NELL2: variants seen among roughly 807,000 people sequenced by gnomAD.
NELL2 encodes neural EGFL like 2.
In NELL2, 41 loss-of-function variants were observed where a neutral mutation model predicts 109.6. The observed-to-expected ratio is 0.37, with a 90% CI of 0.29 to 0.49. The LOEUF (loss-of-function observed/expected upper bound fraction) is 0.49. Among genes scored for constraint, NELL2 ranks in the 20% least tolerant of loss-of-function variants. NELL2 has a pLI of 0.98. For missense variants in NELL2, 900 were observed against 1,008.3 expected (o/e 0.89, Z 1.45); for synonymous variants, 355 against 344.7 (o/e 1.03, Z -0.33).
intron 9 of NELL2, among the ~76,000 whole-genome samples, chr12:44,772,010 T>C (rs1047779411): frequency 1.3e-5 from 2 of 152,226 alleles, no homozygotes; most frequent in Non-Finnish European, 2.9e-5. Context: ...AACAGTAAGC[T>C]ATTAATCTCT....
chr12:44,806,156 C>T (rs548113622), intron 3 of NELL2, among the ~76,000 whole-genome samples: 121 of 151,464 alleles, frequency 8.0e-4, no homozygotes, highest in Middle Eastern at 3.4e-3. Flanking sequence ...AAAATATAGA[C>T]GATAATGAAT....
intron 9 of NELL2, among the ~76,000 whole-genome samples, chr12:44,760,075 T>C (rs1941058122): frequency 6.6e-6 from 1 of 152,188 alleles, no homozygotes; most frequent in Non-Finnish European, 1.5e-5. Context: ...GTTCAGCACT[T>C]AGAATCTAAA....
In NELL2 at chr12:44,515,591, T is replaced by A. The variant is rs554282514; in HGVS notation, c.2400+4414A>T. On this transcript the variant is annotated intron_variant, in intron 19 of 19. Transcript: ENST00000429094. Reference sequence around the variant, plus strand: ...TTGATTTATCAAACTCATCAAACTATATACTTAACTGTGAATTTCACTATA... The same window carrying A: ...TTGATTTATCAAACTCATCAAACTAAATACTTAACTGTGAATTTCACTATA... 3.3e-5 allele frequency among the ~76,000 whole-genome samples: 5 copies of A among 152,050 alleles called. No individual in the cohort carries two copies. The East Asian group carries it at 9.6e-4, about 29-fold the overall frequency.
intron 2 of NELL2, among the ~76,000 whole-genome samples, chr12:44,861,931 C>G (rs1944854581): frequency 6.6e-6 from 1 of 152,220 alleles, no homozygotes; most frequent in Admixed American, 6.5e-5. Context: ...CCTTCAAATG[C>G]ACTGACTTCA....
chr12:44,905,974 A>G (rs1945715535), intron 1 of NELL2, among the ~76,000 whole-genome samples: 1 of 152,154 alleles, frequency 6.6e-6, no homozygotes, highest in African/African-American at 2.4e-5. Flanking sequence ...TTAATTAATT[A>G]CATAATATTC....
At position 44,532,593 on chromosome 12, in the gene NELL2, C is replaced by T; in HGVS notation, c.1792G>A (p.Glu598Lys). 1 of 1,613,428 alleles carries T rather than the reference C, an allele frequency of 6.2e-7. No individual in the cohort carries two copies. The change falls in exon 16 of 20, where the codon GAA (glutamate) becomes AAA (lysine). Residue 598 changes from glutamate (E) to lysine (K), a missense_variant. Transcript: ENST00000429094. ...TCCTTGTACTGACCTTCACACGATT[C>T]TCCACTTGGTGAAAACATCCCATTG... ...HDNGMFSPSG[E>K]SCEDIDECGT...
intron 13 of NELL2, among the ~76,000 whole-genome samples, chr12:44,640,434 T>C (rs535738113): frequency 2.0e-5 from 3 of 152,344 alleles, no homozygotes; most frequent in South Asian, 2.1e-4. Context: ...CTACAAATAA[T>C]TGTTTTGCCT....
intron 12 of NELL2, among the ~76,000 whole-genome samples, chr12:44,685,186 T>C (rs1464346681): frequency 1.3e-5 from 2 of 152,080 alleles, no homozygotes; most frequent in African/African-American, 2.4e-5. Context: ...CCTTGTCTCT[T>C]TTGATCTTTG....
chr12:44,558,418 C>T lies in NELL2; in HGVS notation c.1664-25697G>A, dbSNP rs531892597. ...GGTCTGCAGCTCTCAGAGAGATAAACGTGGAAGGTGGGTGATTTCTGCATT... is the reference window on the plus strand; with the variant it reads ...GGTCTGCAGCTCTCAGAGAGATAAATGTGGAAGGTGGGTGATTTCTGCATT... On this transcript the variant is annotated intron_variant, in intron 15 of 19. Transcript: ENST00000429094. Among the ~76,000 whole-genome samples the T allele has an allele frequency of 5.9e-5, 9 of 152,140 alleles. 1 individual carries two copies. Among genetic ancestry groups the T allele is most frequent in the Non-Finnish European group, 2.9e-5 (2 of 68,020 alleles).
intron 3 of NELL2, 194 bp downstream of exon 3, chr12:44,815,792 T>C: frequency 2.0e-6 from 1 of 493,662 alleles, no homozygotes; most frequent in Non-Finnish European, 3.4e-6. Context: ...CTAATTTTTG[T>C]ATTTTTAGAA....
intron 15 of NELL2, among the ~76,000 whole-genome samples, chr12:44,588,127 T>C (rs533333117): frequency 6.4e-4 from 97 of 150,490 alleles, no homozygotes; most frequent in Middle Eastern, 6.8e-3. Context: ...GAGATCATCG[T>C]GCCACTGCAC....
intron 9 of NELL2, among the ~76,000 whole-genome samples, chr12:44,753,078 T>C (rs1940725588): frequency 6.6e-6 from 1 of 152,152 alleles, no homozygotes; most frequent in African/African-American, 2.4e-5. Context: ...ATGCCTGCCC[T>C]AGAGTCTTGA....
At chr12:44,691,430 A>G (rs963741520) in intron 12 of NELL2, among the ~76,000 whole-genome samples, 4 of 152,146 alleles carry the variant, frequency 2.6e-5, no homozygotes, top group Non-Finnish European at 5.9e-5. Flanking sequence ...GGCTCTACTG[A>G]CTGGCCATTC....
At chr12:44,657,710 A>C (rs1382903149) in intron 13 of NELL2, among the ~76,000 whole-genome samples, 5 of 152,096 alleles carry the variant, frequency 3.3e-5, no homozygotes, top group African/African-American at 1.2e-4. Context: ...ACACTCACTT[A>C]TGAATGAGAA....
At chr12:44,706,151 T>C (rs898862520) in intron 11 of NELL2, among the ~76,000 whole-genome samples, 3 of 152,194 alleles carry the variant, frequency 2.0e-5, no homozygotes, top group African/African-American at 7.2e-5. Context: ...AGGTAAAAAT[T>C]AGGAAGTGCC....
chr12:44,517,470 ACT>A (rs1941332499), intron 19 of NELL2, among the ~76,000 whole-genome samples: 2 of 148,318 alleles, frequency 1.3e-5, no homozygotes, highest in African/African-American at 4.9e-5. Context: ...AGACCATGGT[ACT>A]GTTTCCTATA....
chr12:44,691,196 C>T (rs1439223049), intron 12 of NELL2, among the ~76,000 whole-genome samples: 1 of 152,142 alleles, frequency 6.6e-6, no homozygotes, highest in Admixed American at 6.5e-5. Context: ...CCTACATTGA[C>T]CAAGTCTGCC....
At chr12:44,866,525 A>G (rs1945005250) in intron 2 of NELL2, among the ~76,000 whole-genome samples, 1 of 152,198 alleles carries the variant, frequency 6.6e-6, no homozygotes, top group African/African-American at 2.4e-5. Context: ...ACATTTAAAA[A>G]GAAGAAAATC....
chr12:44,529,721 A>G (rs1346741062), intron 16 of NELL2, among the ~76,000 whole-genome samples: 1 of 152,248 alleles, frequency 6.6e-6, no homozygotes, highest in Non-Finnish European at 1.5e-5. Context: ...TCAAGGAGAT[A>G]GTAACTGATC....
Sources: allele counts gnomAD v4.1 joint callset (sites outside exome capture counted in the v4.1 genomes callset), GRCh38; gene constraint gnomAD v4.1.1; transcripts MANE v1.5; gene names NCBI Gene and HGNC (gene_info 2026-07-23, HGNC 2026-07-21).